Variants in SASH1 observed in about 807,000 individuals in gnomAD.
SASH1 encodes the protein SAM and SH3 domain containing 1.
A neutral mutation model predicts 125.2 loss-of-function variants in SASH1; 44 were observed. That is an observed-to-expected ratio of 0.35 (90% CI 0.28 to 0.45). The LOEUF (loss-of-function observed/expected upper bound fraction) is 0.45, where lower values mean the gene tolerates loss of function less well. Ranked by LOEUF, SASH1 falls within the 20% of genes least tolerant of loss-of-function variation. SASH1 has a pLI of 1.00. For missense variants in SASH1, 1,426 were observed against 1,614.5 expected, an observed-to-expected ratio of 0.88 and a Z score of 2.00; for synonymous variants, 639 against 649.1, an observed-to-expected ratio of 0.98 and a Z score of 0.24.
chr6:148,244,959 T>TGTGA, the SASH1 span, among the ~76,000 whole-genome samples: 162 of 119,228 alleles, frequency 1.4e-3, no homozygotes, highest in East Asian at 3.1e-3. Context: ...TGTGTGTGTG[T>TGTGA]GAGAGAGAGA....
At chr6:148,484,004 G>C (rs915073773) in intron 7 of SASH1, among the ~76,000 whole-genome samples, 1 of 152,136 alleles carries the variant, frequency 6.6e-6, no homozygotes, top group Non-Finnish European at 1.5e-5. Context: ...AAGTGCCTGA[G>C]GGTTGTTAAA....
At chr6:148,377,164 C>T (rs1184917430) in intron 1 of SASH1, among the ~76,000 whole-genome samples, 55 of 114,608 alleles carry the variant, frequency 4.8e-4, no homozygotes, top group Non-Finnish European at 8.1e-4. Flanking sequence ...AGCGAGACTC[C>T]GTCTCAAAAA....
At chr6:148,455,480 T>C (rs1215061363) in intron 4 of SASH1, among the ~76,000 whole-genome samples, 2 of 151,930 alleles carry the variant, frequency 1.3e-5, no homozygotes, top group Admixed American at 6.6e-5. Context: ...GCTCACAACA[T>C]CAGAAGGGGA....
chr6:148,313,738 G>A (rs886403959), intron 1 of SASH1, among the ~76,000 whole-genome samples: 3 of 152,180 alleles, frequency 2.0e-5, no homozygotes, highest in Non-Finnish European at 4.4e-5. Flanking sequence ...GCTGCATGCC[G>A]GGTGTAGGGT....
intron 1 of SASH1, among the ~76,000 whole-genome samples, 172 bp from the exon 2 acceptor site, chr6:148,389,962 A>T (rs1435793314): frequency 6.6e-6 from 1 of 152,186 alleles, no homozygotes; most frequent in East Asian, 1.9e-4. Context: ...CCCCTGTCAG[A>T]GGGCTGTCCT....
intron 2 of SASH1, among the ~76,000 whole-genome samples, chr6:148,395,903 C>G (rs1783928631): frequency 6.6e-6 from 1 of 152,180 alleles, no homozygotes; most frequent in Non-Finnish European, 1.5e-5. Context: ...TCAGCTTCCT[C>G]AGCATCTTGA....
chr6:148,207,939 C>T, the SASH1 span, among the ~76,000 whole-genome samples: 4 of 152,180 alleles, frequency 2.6e-5, no homozygotes, highest in African/African-American at 4.8e-5. Context: ...CAAAACCTGG[C>T]GCTCTCTCAT....
intron 10 of SASH1, among the ~76,000 whole-genome samples, chr6:148,520,568 T>A (rs1780748430): frequency 6.6e-6 from 1 of 152,142 alleles, no homozygotes; most frequent in Non-Finnish European, 1.5e-5. Context: ...TCACCTTCTC[T>A]TCCATTTCTC....
Position 148,549,873 on chromosome 6 carries a change from G to A in SASH1, c.*1315G>A, listed in dbSNP as rs755962850. 3.6e-5 allele frequency: 9 copies of A among 249,224 alleles called. No individual in the cohort carries two copies. Among genetic ancestry groups the A allele is most frequent in the South Asian group, 1.8e-4 (1 of 5,624 alleles). 15.4% of individuals were successfully genotyped at this position (249,224 alleles called of 1,614,324 possible). On this transcript the variant is annotated 3_prime_UTR_variant, in exon 20 of 20. Transcript: ENST00000367467. ...CACCCAGGCTGGAGTGCAATGGCAC[G>A]ATCTTGGCTCACTGCAACCTCAGTC...
the SASH1 span, among the ~76,000 whole-genome samples, chr6:148,226,552 A>G: frequency 1.3e-5 from 2 of 152,332 alleles, no homozygotes; most frequent in African/African-American, 4.8e-5. Context: ...AGGAAAATGC[A>G]TTATCTCCCA....
intron 1 of SASH1, among the ~76,000 whole-genome samples, chr6:148,307,020 TTTCTTTTC>T (rs1407683909): frequency 1.4e-5 from 2 of 141,340 alleles, no homozygotes; most frequent in African/African-American, 5.4e-5. Flanking sequence ...TACCTTTCTC[TTTCTTTTC>T]TTTCTTTCTT....
intron 15 of SASH1, among the ~76,000 whole-genome samples, chr6:148,534,317 A>G (rs947463732): frequency 6.6e-6 from 1 of 152,144 alleles, no homozygotes; most frequent in Non-Finnish European, 1.5e-5. Flanking sequence ...CTCTCCCACC[A>G]TCACTCCAGG....
chr6:148,545,999 C>T lies in SASH1; in HGVS notation c.3349-16C>T. The T allele has an allele frequency of 1.2e-6, 2 of 1,611,236 alleles. No homozygotes were observed. Among genetic ancestry groups the T allele is most frequent in the African/African-American group, 2.7e-5 (2 of 74,884 alleles). On this transcript the variant is annotated splice_polypyrimidine_tract_variant and intron_variant, in intron 18 of 19. Transcript: ENST00000367467. ...CCTTATGACTCTTGATGTCATATTC[C>T]TGTTCTCCCTGGCAGCATGGCCGCT...
chr6:148,234,412 T>G, the SASH1 span, among the ~76,000 whole-genome samples: 1 of 152,038 alleles, frequency 6.6e-6, no homozygotes, highest in South Asian at 2.1e-4. Flanking sequence ...AATATCCGTA[T>G]TTGGCTTCTA....
chr6:148,219,816 T>A, the SASH1 span, among the ~76,000 whole-genome samples: 1 of 152,114 alleles, frequency 6.6e-6, no homozygotes, highest in Non-Finnish European at 1.5e-5. Flanking sequence ...GGCCTGGGTG[T>A]TTCCCCACGT....
chr6:148,263,053 A>C, the SASH1 span, among the ~76,000 whole-genome samples: 5 of 152,180 alleles, frequency 3.3e-5, no homozygotes, highest in Non-Finnish European at 7.3e-5. Flanking sequence ...ATGATTCTGA[A>C]GAAGTTGGAA....
chr6:148,448,106 A>G (rs1776886849), intron 4 of SASH1, among the ~76,000 whole-genome samples: 1 of 106,918 alleles, frequency 9.4e-6, no homozygotes, highest in Admixed American at 9.3e-5. Flanking sequence ...CTTCTATTGC[A>G]GTGGAGAGAG....
intron 2 of SASH1, among the ~76,000 whole-genome samples, chr6:148,395,196 T>A (rs1042676109): frequency 6.6e-6 from 1 of 152,222 alleles, no homozygotes; most frequent in Non-Finnish European, 1.5e-5. Context: ...ATTCTAAATC[T>A]TCTGGGTGAA....
At chr6:148,270,535 A>C (rs142639356), upstream of SASH1, among the ~76,000 whole-genome samples, 2 of 152,332 alleles carry the variant, frequency 1.3e-5, no homozygotes, top group African/African-American at 4.8e-5. Context: ...TCTAATTTAC[A>C]TAAGGTAGTG....
Sources: gnomAD v4.1 joint callset for allele counts (sites outside exome capture counted in the v4.1 genomes callset) on GRCh38, gnomAD v4.1.1 for gene constraint, MANE v1.5 for transcripts, NCBI Gene and HGNC (gene_info 2026-07-23, HGNC 2026-07-21) for gene names.